Variants in ELAVL2 observed in about 807,000 individuals in gnomAD.
The protein encoded by ELAVL2 is ELAV like RNA binding protein 2, also known as ELAV-like protein 2.
Under a neutral mutation model 34.6 loss-of-function variants are expected in ELAVL2, and 4 were observed. That is an observed-to-expected ratio of 0.12 (90% confidence interval 0.06 to 0.26). ELAVL2 has a LOEUF of 0.26. Among genes scored for constraint, ELAVL2 ranks in the 10% least tolerant of loss-of-function variants. ELAVL2 has a pLI of 1.00. For synonymous variants in ELAVL2, 193 were observed against 154.8 expected (o/e 1.25, Z -1.83); for missense variants, 432 against 442.8 (o/e 0.98, Z 0.22).
chr9:23,726,296 G>A (rs1286797357), intron 3 of ELAVL2, among the ~76,000 whole-genome samples: 4 of 151,932 alleles, frequency 2.6e-5, no homozygotes, highest in Admixed American at 1.3e-4. Flanking sequence ...TTAAATTGTG[G>A]TTTATTTCAG....
In ELAVL2 at chr9:23,691,500, C is replaced by G. The variant is rs902958626; in HGVS notation, c.*1057G>C. On this transcript the variant is annotated 3_prime_UTR_variant, in exon 7 of 7. Coordinates refer to ENST00000397312, the MANE Select transcript of ELAVL2 (RefSeq NM_004432.5). ...CCATGAGCTCTATCTGAAGGGATTT[C>G]TTTAGGAAGAACAGATTTTTTCCCC... 6.6e-6 allele frequency: 1 copy of G among 152,412 alleles called. No individual in the cohort carries two copies. Among genetic ancestry groups the G allele is most frequent in the Non-Finnish European group, 1.5e-5 (1 of 67,966 alleles). The allele number at this position is 152,412 out of a possible 1,614,324, so 9.4% of individuals were successfully genotyped here. A position where few individuals can be genotyped will look rare whatever the true frequency, so the allele number is the denominator to read the frequency against.
intron 3 of ELAVL2, among the ~76,000 whole-genome samples, chr9:23,707,239 T>C (rs1008744880): frequency 2.0e-5 from 3 of 152,226 alleles, no homozygotes; most frequent in African/African-American, 7.2e-5. Context: ...TATAAACTGA[T>C]GAAACAAGGC....
chr9:23,736,485 AG>A (rs1345836923), intron 2 of ELAVL2, among the ~76,000 whole-genome samples: 1 of 152,126 alleles, frequency 6.6e-6, no homozygotes, highest in Non-Finnish European at 1.5e-5. Flanking sequence ...GAGAGTGGGG[AG>A]GGGAGGAGCA....
intron 4 of ELAVL2, among the ~76,000 whole-genome samples, chr9:23,702,981 A>AAAAAAAAAAAAAAAAAAAAAAAAAAAACC (rs2037974733): frequency 7.7e-6 from 1 of 129,624 alleles, no homozygotes; most frequent in Admixed American, 7.5e-5. Flanking sequence ...AAAAAAAAAA[A>AAAAAAAAAAAAAAAAAAAAAAAAAAAACC]CAGCCTCTAC....
intron 2 of ELAVL2, among the ~76,000 whole-genome samples, chr9:23,737,595 G>C (rs1449294749): frequency 1.3e-5 from 2 of 152,178 alleles, no homozygotes; most frequent in East Asian, 3.9e-4. Flanking sequence ...TAAGTCTGCT[G>C]AGACTATTCA....
At chr9:23,767,943 A>G (rs1242495895) in intron 1 of ELAVL2, among the ~76,000 whole-genome samples, 2 of 152,108 alleles carry the variant, frequency 1.3e-5, no homozygotes, top group African/African-American at 4.8e-5. Context: ...GGGCCAATAC[A>G]ATGACCCCTG....
At chr9:23,850,121 G>A in the ELAVL2 span, among the ~76,000 whole-genome samples, 1 of 151,048 alleles carries the variant, frequency 6.6e-6, no homozygotes, top group Admixed American at 6.6e-5. Context: ...GGGTGGGGGT[G>A]GAAAAAGCCA....
intron 3 of ELAVL2, among the ~76,000 whole-genome samples, chr9:23,729,527 GA>G (rs1306629162): frequency 6.6e-6 from 1 of 152,082 alleles, no homozygotes; most frequent in African/African-American, 2.4e-5. Context: ...AGTTCAGACT[GA>G]AAAAACTTCA....
intron 1 of ELAVL2, among the ~76,000 whole-genome samples, chr9:23,772,534 CAAAAAA>C (rs11450267): frequency 5.9e-5 from 4 of 67,658 alleles, no homozygotes; most frequent in African/African-American, 1.5e-4. Context: ...CAGCTTACAC[CAAAAAA>C]AAAAAAAAAA....
chr9:23,806,306 A>G (rs1336240315), intron 1 of ELAVL2, among the ~76,000 whole-genome samples: 5 of 152,128 alleles, frequency 3.3e-5, no homozygotes, highest in Admixed American at 1.3e-4. Context: ...TATAATTTTA[A>G]TCTTCATTTT....
intron 2 of ELAVL2, among the ~76,000 whole-genome samples, chr9:23,740,549 C>T (rs1368827853): frequency 6.6e-6 from 1 of 152,110 alleles, no homozygotes; most frequent in Admixed American, 6.5e-5. Context: ...TATTTATAAT[C>T]TCCAAATACA....
the ELAVL2 span, among the ~76,000 whole-genome samples, chr9:23,843,104 T>C: frequency 6.6e-6 from 1 of 152,068 alleles, no homozygotes; most frequent in Non-Finnish European, 1.5e-5. Flanking sequence ...GGAACAAAAA[T>C]AGAATTTACA....
chr9:23,749,329 T>C (rs902371509), intron 2 of ELAVL2, among the ~76,000 whole-genome samples: 13 of 152,138 alleles, frequency 8.5e-5, no homozygotes, highest in Non-Finnish European at 1.8e-4. Context: ...TAAGCCTACA[T>C]ACTATCCATA....
the ELAVL2 span, among the ~76,000 whole-genome samples, chr9:23,846,512 A>C: frequency 6.6e-6 from 1 of 152,006 alleles, no homozygotes; most frequent in Non-Finnish European, 1.5e-5. Flanking sequence ...CTGCTTATTT[A>C]AGTTCCCTTT....
At chr9:23,770,054 G>A (rs937666849) in intron 1 of ELAVL2, among the ~76,000 whole-genome samples, 2 of 152,168 alleles carry the variant, frequency 1.3e-5, no homozygotes, top group Non-Finnish European at 2.9e-5. Flanking sequence ...TCCATTCAAC[G>A]AACATCTCCA....
At chr9:23,848,172 G>A in the ELAVL2 span, among the ~76,000 whole-genome samples, 1 of 151,900 alleles carries the variant, frequency 6.6e-6, no homozygotes. Flanking sequence ...TATAGTTCAG[G>A]ATTAATTATA....
intron 1 of ELAVL2, among the ~76,000 whole-genome samples, chr9:23,779,563 T>A (rs2058752023): frequency 2.0e-5 from 3 of 152,116 alleles, no homozygotes; most frequent in Non-Finnish European, 4.4e-5. Flanking sequence ...TTCAAAATAC[T>A]GCAACACTGT....
intron 2 of ELAVL2, among the ~76,000 whole-genome samples, chr9:23,739,167 T>C (rs550076619): frequency 1.1e-4 from 17 of 152,258 alleles, no homozygotes; most frequent in African/African-American, 3.8e-4. Context: ...AATAAACCAA[T>C]TCCTCTACAA....
chr9:23,708,655 T>C (rs936477203), intron 3 of ELAVL2, among the ~76,000 whole-genome samples: 2 of 152,266 alleles, frequency 1.3e-5, no homozygotes, highest in African/African-American at 2.4e-5. Flanking sequence ...CACTTTTTAT[T>C]ATTTTGAGAC....
Sources: gnomAD v4.1 joint callset for allele counts (sites outside exome capture counted in the v4.1 genomes callset) on GRCh38, gnomAD v4.1.1 for gene constraint, MANE v1.5 for transcripts, NCBI Gene and HGNC (gene_info 2026-07-23, HGNC 2026-07-21) for gene names.